The following RALYL variants were observed in gnomAD, a reference collection of about 807,000 sequenced individuals.
The protein encoded by RALYL is RALY RNA binding protein like.
In RALYL, 29 loss-of-function variants were observed where a neutral mutation model predicts 35.1. That is an observed-to-expected ratio of 0.83 (90% CI 0.61 to 1.13). RALYL has a LOEUF of 1.13. RALYL is among the 50% of genes most tolerant of loss of function. RALYL has a pLI of 0.00. For synonymous variants in RALYL, 120 were observed against 127.6 expected, an observed-to-expected ratio of 0.94 and a Z score of 0.40; for missense variants, 359 against 360.4, an observed-to-expected ratio of 1.00 and a Z score of 0.03.
At chr8:84,458,523 T>C (rs1351075533) in intron 1 of RALYL, among the ~76,000 whole-genome samples, 1 of 151,828 alleles carries the variant, frequency 6.6e-6, no homozygotes, top group Non-Finnish European at 1.5e-5. Context: ...CACATGATAC[T>C]GTGATATGCT....
At position 84,244,092 on chromosome 8, in the gene RALYL, T is replaced by A. The variant is rs1048721991; in HGVS notation, c.-24+59668T>A. 9.2e-5 allele frequency among the ~76,000 whole-genome samples: 14 copies of A among 152,132 alleles called. No individual in the cohort carries two copies. In the East Asian group the frequency reaches 2.7e-3, roughly 29 times the overall value. Reference sequence around the variant, plus strand: ...TGGGGCAGGGGCAGGAGATTAATCATGCATATTCAATTAAATAGAAGCAAC... The same window carrying A: ...TGGGGCAGGGGCAGGAGATTAATCAAGCATATTCAATTAAATAGAAGCAAC... On this transcript the variant is annotated intron_variant, in intron 1 of 8. Transcript: ENST00000521268.
chr8:84,461,829 T>C (rs946213801), intron 1 of RALYL, among the ~76,000 whole-genome samples: 2 of 151,648 alleles, frequency 1.3e-5, no homozygotes, highest in Admixed American at 6.6e-5. Flanking sequence ...CCCTTCCTCA[T>C]TTCTCCCCCT....
At chr8:84,646,563 G>A (rs74763632) in intron 2 of RALYL, among the ~76,000 whole-genome samples, 183 of 152,130 alleles carry the variant, frequency 1.2e-3, no homozygotes, top group African/African-American at 4.3e-3. Context: ...AAATAGTTGT[G>A]TGTGGATGTG....
chr8:84,661,489 C>A (rs961904163), intron 2 of RALYL, among the ~76,000 whole-genome samples: 12 of 151,768 alleles, frequency 7.9e-5, no homozygotes, highest in African/African-American at 2.9e-4. Context: ...GTAACAATAT[C>A]TCCATTCTTT....
intron 1 of RALYL, among the ~76,000 whole-genome samples, chr8:84,308,904 GAT>G (rs556491683): frequency 9.3e-4 from 142 of 151,876 alleles, no homozygotes; most frequent in African/African-American, 3.4e-3. Context: ...CATGGGCAAA[GAT>G]ATAAAAATAA....
chr8:84,890,784 AT>A (rs913448542), intron 8 of RALYL, among the ~76,000 whole-genome samples: 2 of 141,794 alleles, frequency 1.4e-5, no homozygotes, highest in African/African-American at 5.7e-5. Context: ...TCAAAGTTGC[AT>A]TTTTGTCAGA....
chr8:84,334,426 CAT>C (rs1847387238), intron 1 of RALYL, among the ~76,000 whole-genome samples: 1 of 151,592 alleles, frequency 6.6e-6, no homozygotes, highest in African/African-American at 2.4e-5. Context: ...AAATTACAAA[CAT>C]GTTCTTTTAT....
chr8:84,258,373 A>C (rs1170062264), intron 1 of RALYL, among the ~76,000 whole-genome samples: 1 of 152,184 alleles, frequency 6.6e-6, no homozygotes, highest in African/African-American at 2.4e-5. Flanking sequence ...TAGATATTAA[A>C]TTCTACATTT....
intron 2 of RALYL, among the ~76,000 whole-genome samples, chr8:84,652,212 A>C (rs1349774683): frequency 6.6e-6 from 1 of 152,114 alleles, no homozygotes; most frequent in Non-Finnish European, 1.5e-5. Flanking sequence ...TTTTGTTATC[A>C]AACTTAGCAT....
chr8:84,770,534 T>C (rs1815210700), intron 2 of RALYL, among the ~76,000 whole-genome samples: 1 of 150,994 alleles, frequency 6.6e-6, no homozygotes, highest in Non-Finnish European at 1.5e-5. Context: ...CTTTTTCGTA[T>C]AATGACTTCT....
At chr8:84,727,831 C>T (rs1340590401) in intron 2 of RALYL, among the ~76,000 whole-genome samples, 10 of 152,040 alleles carry the variant, frequency 6.6e-5, no homozygotes, top group Middle Eastern at 6.8e-3. Flanking sequence ...GCATAGTATT[C>T]CATGGTGTAT....
At chr8:84,766,401 TAAC>T (rs1458848171) in intron 2 of RALYL, among the ~76,000 whole-genome samples, 2 of 151,898 alleles carry the variant, frequency 1.3e-5, no homozygotes, top group African/African-American at 2.4e-5. Context: ...CGATACCTAA[TAAC>T]ATCTCCCAGC....
chr8:84,563,194 A>G (rs1248326715), intron 2 of RALYL, among the ~76,000 whole-genome samples: 1 of 151,852 alleles, frequency 6.6e-6, no homozygotes, highest in Non-Finnish European at 1.5e-5. Context: ...TGGCTTTCCA[A>G]CTGGTGTATC....
chr8:84,544,726 ACTAT>A (rs1043309984), intron 2 of RALYL, among the ~76,000 whole-genome samples: 4 of 152,066 alleles, frequency 2.6e-5, no homozygotes, highest in East Asian at 3.8e-4. Context: ...GATATTTTCA[ACTAT>A]CTATCATATT....
At chr8:84,198,829 A>C (rs557976410) in intron 1 of RALYL, among the ~76,000 whole-genome samples, 38 of 152,296 alleles carry the variant, frequency 2.5e-4, no homozygotes, top group Admixed American at 2.1e-3. Flanking sequence ...ACAGGAACTC[A>C]TTCTTTTCTG....
chr8:84,632,542 C>A (rs138512776), intron 2 of RALYL, among the ~76,000 whole-genome samples: 2 of 151,364 alleles, frequency 1.3e-5, no homozygotes, highest in African/African-American at 2.4e-5. Flanking sequence ...AAAAAAATAA[C>A]AGTTGTCAAT....
intron 1 of RALYL, among the ~76,000 whole-genome samples, chr8:84,195,078 G>A (rs1407620797): frequency 1.3e-5 from 2 of 152,062 alleles, no homozygotes; most frequent in Non-Finnish European, 2.9e-5. Flanking sequence ...AACACACAAT[G>A]CTTACATTTA....
intron 1 of RALYL, among the ~76,000 whole-genome samples, chr8:84,448,384 A>G (rs2049077590): frequency 6.6e-6 from 1 of 152,018 alleles, no homozygotes; most frequent in Non-Finnish European, 1.5e-5. Context: ...ATTATGTGCA[A>G]CTCATGGACA....
At chr8:84,218,864 A>T (rs1473576424) in intron 1 of RALYL, among the ~76,000 whole-genome samples, 5 of 152,086 alleles carry the variant, frequency 3.3e-5, no homozygotes, top group Non-Finnish European at 5.9e-5. Flanking sequence ...GAACAAATGG[A>T]TGGATAATAC....
Sources: gnomAD v4.1 joint callset for allele counts (sites outside exome capture counted in the v4.1 genomes callset) on GRCh38, gnomAD v4.1.1 for gene constraint, MANE v1.5 for transcripts, NCBI Gene and HGNC (gene_info 2026-07-23, HGNC 2026-07-21) for gene names.